The following CYP3A43 variants were observed in gnomAD, a reference collection of about 807,000 sequenced individuals.
CYP3A43 encodes the protein cytochrome P450 family 3 subfamily A member 43.
In CYP3A43, 45 loss-of-function variants were observed where a neutral mutation model predicts 58.0. That is an observed-to-expected ratio of 0.78 (90% confidence interval 0.61 to 0.99). The LOEUF (loss-of-function observed/expected upper bound fraction) is 0.99, where lower values mean the gene tolerates loss of function less well. CYP3A43 is among the 50% of genes least tolerant of loss of function. The pLI, the probability that CYP3A43 is intolerant of heterozygous loss-of-function variation, is 0.00. For synonymous variants in CYP3A43, 191 were observed against 201.4 expected (o/e 0.95, Z 0.44); for missense variants, 593 against 591.9 (o/e 1.00, Z -0.02).
In CYP3A43 at chr7:99,861,737, A is replaced by G. The variant is rs1339056795; in HGVS notation, c.1151A>G (p.Asn384Ser). 1 of 1,614,164 alleles carries G rather than the reference A, an allele frequency of 6.2e-7. No individual in the cohort carries two copies. Among genetic ancestry groups the G allele is most frequent in the South Asian group, 1.1e-5 (1 of 91,076 alleles). The change falls in exon 11 of 13, where the codon AAT (asparagine) becomes AGT (serine). Residue 384 changes from asparagine (N) to serine (S), a missense_variant. Transcript: ENST00000354829. ...GTCTGCAAGAAAGATATTGAAATCA[A>G]TGGAGTGTTCATTCCCAAAGGGTTA... Reference protein sequence around the residue: ...TRVCKKDIEINGVFIPKGLAV... With the variant: ...TRVCKKDIEISGVFIPKGLAV...
chr7:99,860,499 C>T (rs771476284), intron 10 of CYP3A43, among the ~76,000 whole-genome samples: 11 of 152,208 alleles, frequency 7.2e-5, no homozygotes, highest in Non-Finnish European at 1.5e-4. Context: ...CATTTAACCT[C>T]TACAATATTA....
chr7:99,856,712 A>G lies in CYP3A43; in HGVS notation c.799-121A>G, dbSNP rs1441028626. 6.1e-6 allele frequency: 6 copies of G among 985,612 alleles called. No individual in the cohort carries two copies. The Admixed American group carries it at 1.3e-4, about 21-fold the overall frequency. 61.1% of individuals were successfully genotyped at this position (985,612 alleles called of 1,614,324 possible). A position where few individuals can be genotyped will look rare whatever the true frequency, so the allele number is the denominator to read the frequency against. On this transcript the variant is annotated intron_variant, in intron 8 of 12. Coordinates refer to ENST00000354829, the MANE Select transcript of CYP3A43 (RefSeq NM_057095.3). ...AACATTGGTGACTCAGGCAACACCCATTACACTTCTGAACTTAAAGAGAGC... is the reference window on the plus strand; with the variant it reads ...AACATTGGTGACTCAGGCAACACCCGTTACACTTCTGAACTTAAAGAGAGC...
chr7:99,865,969 C>G lies in CYP3A43; in HGVS notation c.1480C>G (p.His494Asp). 1.2e-6 allele frequency: 2 copies of G among 1,606,508 alleles called. No individual in the cohort carries two copies. The highest frequency in any genetic ancestry group is 2.7e-5 in the African/African-American group (2 of 74,778). ...AGAAAAACCTATTGTTCTAAAAGTG[C>G]ACTTAAGAGATGGGATTACAAGTGG... ...QPEKPIVLKV[H>D]LRDGITSGP The change falls in exon 13 of 13, where the codon CAC (histidine) becomes GAC (aspartate). Residue 494 changes from histidine (H) to aspartate (D), a missense_variant. His to Asp is a moderately conservative substitution (Grantham distance 81). Transcript: ENST00000354829.
chr7:99,837,680 A>G (rs1475725838), intron 2 of CYP3A43, among the ~76,000 whole-genome samples: 2 of 152,244 alleles, frequency 1.3e-5, no homozygotes, highest in Admixed American at 6.5e-5. Context: ...ACTTAACAAA[A>G]TAACTAGAAA....
At chr7:99,856,693 G>A in intron 8 of CYP3A43, 140 bp from the exon 9 acceptor site, 1 of 771,022 alleles carries the variant, frequency 1.3e-6, no homozygotes, top group South Asian at 1.6e-5. Context: ...TCTAAACATT[G>A]GTGACTCAGG....
At chr7:99,847,893 T>C in intron 5 of CYP3A43, 1 of 520,290 alleles carries the variant, frequency 1.9e-6, no homozygotes, top group Non-Finnish European at 3.4e-6. Context: ...ATGCCTATAA[T>C]CCTAGCTGCT....
At chr7:99,843,657 G>A (rs1039147047) in intron 3 of CYP3A43, among the ~76,000 whole-genome samples, 29 of 151,872 alleles carry the variant, frequency 1.9e-4, no homozygotes, top group African/African-American at 6.5e-4. Context: ...GTAGAGATGG[G>A]GTTTCACCAT....
chr7:99,845,602 G>T (rs1167131560), intron 4 of CYP3A43, among the ~76,000 whole-genome samples: 1 of 151,092 alleles, frequency 6.6e-6, no homozygotes, highest in African/African-American at 2.4e-5. Flanking sequence ...GATTACAGAC[G>T]TGAGCCACCA....
Position 99,847,542 on chromosome 7 carries a change from G to C in CYP3A43, c.373G>C (p.Glu125Gln). 1 of 1,613,900 alleles carries C rather than the reference G, an allele frequency of 6.2e-7. No individual in the cohort carries two copies. The highest frequency in any genetic ancestry group is 8.5e-7 in the Non-Finnish European group (1 of 1,179,954). The change falls in exon 5 of 13, where the codon GAA becomes CAA. Residue 125 changes from glutamate (E) to glutamine (Q), a missense_variant. Coordinates refer to ENST00000354829, the MANE Select transcript of CYP3A43 (RefSeq NM_057095.3). ...KSALSFAEDE[E>Q]WKRIRTLLSP... is the part of the protein sequence containing the mutation. The stretch of plus-strand genomic sequence containing the variant: ...TGCCTTAAGTTTTGCTGAAGATGAA[G>C]AATGGAAGAGAATACGAACATTGCT...
rs1817621163 is a variant in CYP3A43 at position 99,848,388 on chromosome 7, GC to G, written c.521+136del. The G allele has an allele frequency of 1.4e-5, 12 of 830,854 alleles. 2 individuals are homozygous for G. In the South Asian group the frequency reaches 1.9e-4, roughly 13 times the overall value. 51.5% of individuals were successfully genotyped at this position (830,854 alleles called of 1,614,324 possible). ...GGCTGTGGTGTTGCAACTCCAATAG[GC>G]CACCCAAGATGGTGTTGCTCACAAA... is the stretch of plus-strand genomic sequence containing the variant. On this transcript the variant is annotated intron_variant, in intron 6 of 12. Coordinates refer to ENST00000354829, the MANE Select transcript of CYP3A43 (RefSeq NM_057095.3).
intron 3 of CYP3A43, 26 bp from the exon 4 acceptor site, chr7:99,844,117 A>G: frequency 1.3e-6 from 2 of 1,586,754 alleles, no homozygotes; most frequent in Non-Finnish European, 1.7e-6. Flanking sequence ...AGCGAGGTTT[A>G]GTCAGCTCTG....
chr7:99,840,072 G>A (rs1009590766), intron 3 of CYP3A43, among the ~76,000 whole-genome samples: 5 of 152,262 alleles, frequency 3.3e-5, no homozygotes, highest in South Asian at 2.1e-4. Flanking sequence ...GCATTTACCC[G>A]TGCAAGCTTC....
At chr7:99,834,089 T>C (rs1282217026) in intron 1 of CYP3A43, among the ~76,000 whole-genome samples, 3 of 152,224 alleles carry the variant, frequency 2.0e-5, no homozygotes, top group African/African-American at 7.2e-5. Flanking sequence ...ATTTTTCACA[T>C]ACTCTTCCTT....
intron 1 of CYP3A43, among the ~76,000 whole-genome samples, chr7:99,831,201 A>G (rs1381964457): frequency 6.6e-6 from 1 of 152,216 alleles, no homozygotes; most frequent in Non-Finnish European, 1.5e-5. Flanking sequence ...CTTCAAACAC[A>G]TTCTCTTCAT....
intron 2 of CYP3A43, 67 bp from the exon 3 acceptor site, chr7:99,839,053 C>G: frequency 6.3e-7 from 1 of 1,587,896 alleles, no homozygotes; most frequent in African/African-American, 1.3e-5. Context: ...ACTTTTTTGC[C>G]CTGGTTAAAT....
intron 7 of CYP3A43, among the ~76,000 whole-genome samples, chr7:99,852,710 T>A (rs1242939497): frequency 6.6e-6 from 1 of 152,230 alleles, no homozygotes; most frequent in East Asian, 1.9e-4. Context: ...GAGAGAGGTA[T>A]CCTTGTCTCA....
rs191853841 is a variant in CYP3A43, at chr7:99,842,380, T to C, written c.219-1763T>C. On this transcript the variant is annotated intron_variant, in intron 3 of 12. Transcript: ENST00000354829. ...ATCATTGTCAATTACTCATTCATATTACTGATAATTCAGACTTCATTTCCT... is the reference window on the plus strand; with the variant it reads ...ATCATTGTCAATTACTCATTCATATCACTGATAATTCAGACTTCATTTCCT... 6.6e-5 allele frequency among the ~76,000 whole-genome samples: 10 copies of C among 152,334 alleles called. No individual in the cohort carries two copies. In the East Asian group the frequency reaches 1.9e-3, roughly 29 times the overall value.
At chr7:99,837,519 G>C (rs1175628650) in intron 2 of CYP3A43, among the ~76,000 whole-genome samples, 2 of 152,102 alleles carry the variant, frequency 1.3e-5, no homozygotes, top group Non-Finnish European at 2.9e-5. Context: ...AGAAGGTTCT[G>C]CTTTCCTGCT....
At chr7:99,854,925 C>T (rs564010197) in intron 7 of CYP3A43, among the ~76,000 whole-genome samples, 2 of 151,842 alleles carry the variant, frequency 1.3e-5, no homozygotes, top group Admixed American at 1.3e-4. Flanking sequence ...CATTCTGTCA[C>T]TCAGGCTGGA....
Sources: allele counts gnomAD v4.1 joint callset (sites outside exome capture counted in the v4.1 genomes callset), GRCh38; gene constraint gnomAD v4.1.1; transcripts MANE v1.5; gene names NCBI Gene and HGNC (gene_info 2026-07-23, HGNC 2026-07-21).